IRAG1: variants seen among roughly 807,000 people sequenced by gnomAD.
The protein encoded by IRAG1 is inositol 1,4,5-triphosphate receptor associated 1.
Under a neutral mutation model 106.2 loss-of-function variants are expected in IRAG1, and 62 were observed. The observed-to-expected ratio is 0.58, with a 90% CI of 0.48 to 0.72. The LOEUF (loss-of-function observed/expected upper bound fraction) is 0.72, where lower values mean the gene tolerates loss of function less well. Ranked by LOEUF, IRAG1 falls within the 30% of genes least tolerant of loss-of-function variation. The pLI is 0.00. For synonymous variants in IRAG1, 462 were observed against 443.9 expected, an observed-to-expected ratio of 1.04 and a Z score of -0.51; for missense variants, 1,064 against 1,140.7, an observed-to-expected ratio of 0.93 and a Z score of 0.97.
At chr11:10,589,202 T>C (rs1852366777) in intron 18 of IRAG1, 1 of 152,182 alleles carries the variant, frequency 6.6e-6, no homozygotes, top group African/African-American at 2.4e-5. Flanking sequence ...TTTGTCACTG[T>C]ATGCTTAGGA....
In IRAG1 at chr11:10,644,398, T is replaced by C. The variant is rs549677066; in HGVS notation, c.225+7627A>G. 1.1e-3 allele frequency among the ~76,000 whole-genome samples: 171 copies of C among 152,360 alleles called. 1 individual carries two copies. Among genetic ancestry groups the C allele is most frequent in the Non-Finnish European group, 1.6e-3 (110 of 68,038 alleles). On this transcript the variant is annotated intron_variant, in intron 2 of 20. Coordinates refer to ENST00000423302, the MANE Select transcript of IRAG1 (RefSeq NM_130385.4). Reference sequence around the variant, plus strand: ...ATTGATAATTTATTTTAAATTATTTTATTGAAGGCCTTAATTGAGGCTGTT... The same window carrying C: ...ATTGATAATTTATTTTAAATTATTTCATTGAAGGCCTTAATTGAGGCTGTT...
chr11:10,687,602 G>C, intron 1 of IRAG1: 2 of 1,110,898 alleles, frequency 1.8e-6, no homozygotes, highest in Non-Finnish European at 1.1e-6. Context: ...CTTCAGTGAA[G>C]GAAAGAGGTG....
chr11:10,692,826 G>T lies in IRAG1; in HGVS notation c.67+710C>A, dbSNP rs148206260. Among the ~76,000 whole-genome samples the T allele has an allele frequency of 5.4e-3, 818 of 152,290 alleles. 5 individuals carry two copies. Among genetic ancestry groups the T allele is most frequent in the African/African-American group, 0.016 (650 of 41,578 alleles). On this transcript the variant is annotated intron_variant, in intron 1 of 20. Coordinates refer to ENST00000423302, the MANE Select transcript of IRAG1 (RefSeq NM_130385.4). ...CAGCTGGGCCTCTCTCTGGCCTCTG[G>T]CTTCCACTGGCTTTTCCTTTGGAAA...
chr11:10,622,804 T>A (rs916486511), intron 10 of IRAG1, among the ~76,000 whole-genome samples: 6 of 150,960 alleles, frequency 4.0e-5, no homozygotes, highest in Non-Finnish European at 8.8e-5. Context: ...CCACATCTCA[T>A]ACAATTTCAT....
intron 2 of IRAG1, among the ~76,000 whole-genome samples, chr11:10,635,420 T>A (rs1857075974): frequency 6.6e-6 from 1 of 152,218 alleles, no homozygotes; most frequent in Non-Finnish European, 1.5e-5. Context: ...TTCAAAGCAG[T>A]GGGTGCCCAC....
Position 10,628,728 on chromosome 11 carries a change from G to A in IRAG1, c.652+23C>T. On this transcript the variant is annotated intron_variant, in intron 6 of 20. Coordinates refer to ENST00000423302, the MANE Select transcript of IRAG1 (RefSeq NM_130385.4). This position sits in a 1 kb window ranked among gnomAD's most constrained non-coding sequence, Gnocchi z 4.1. ...CCCAGAGCGAGAGGCAGGGCAGGAA[G>A]TCCCCGGGCAGCTGGGCCTCACCTG... 1 of 1,513,332 alleles carries A rather than the reference G, an allele frequency of 6.6e-7. No homozygotes were observed. The highest frequency in any genetic ancestry group is 8.8e-7 in the Non-Finnish European group (1 of 1,134,288). 93.7% of individuals were successfully genotyped at this position (1,513,332 alleles called of 1,614,324 possible). A position where few individuals can be genotyped will look rare whatever the true frequency, so the allele number is the denominator to read the frequency against.
At chr11:10,579,807 A>AT (rs1430730012) in intron 20 of IRAG1, among the ~76,000 whole-genome samples, 6 of 152,206 alleles carry the variant, frequency 3.9e-5, no homozygotes, top group African/African-American at 1.4e-4. Flanking sequence ...GTGGGACAAG[A>AT]TACAGGTCTA....
At chr11:10,681,908 C>A (rs1028234345) in intron 1 of IRAG1, among the ~76,000 whole-genome samples, 1 of 152,142 alleles carries the variant, frequency 6.6e-6, no homozygotes, top group Admixed American at 6.6e-5. Context: ...ATGATCTAAC[C>A]CTTTTTGAAA....
intron 1 of IRAG1, among the ~76,000 whole-genome samples, chr11:10,687,162 C>T (rs535647066): frequency 8.5e-5 from 13 of 152,220 alleles, no homozygotes; most frequent in East Asian, 5.8e-4. Flanking sequence ...CCTGCAGCCT[C>T]GGCCCTGCCT....
chr11:10,588,381 C>T (rs925785967), intron 18 of IRAG1, among the ~76,000 whole-genome samples: 2 of 151,616 alleles, frequency 1.3e-5, no homozygotes, highest in East Asian at 1.9e-4. Flanking sequence ...CTGGTTCTGT[C>T]GCTCAGGCTC....
At chr11:10,621,059 T>C (rs1418187352) in intron 10 of IRAG1, among the ~76,000 whole-genome samples, 1 of 152,140 alleles carries the variant, frequency 6.6e-6, no homozygotes, top group African/African-American at 2.4e-5. Flanking sequence ...GAAGAAAAAT[T>C]GTTAGTTTTT....
intron 15 of IRAG1, 136 bp downstream of exon 15, chr11:10,600,782 T>C: frequency 1.7e-6 from 2 of 1,175,808 alleles, no homozygotes; most frequent in Non-Finnish European, 2.3e-6. Context: ...GGGAGGCCCC[T>C]GTGGGCAGCA....
intron 9 of IRAG1, 39 bp from the exon 10 acceptor site, chr11:10,623,895 G>A: frequency 6.4e-7 from 1 of 1,569,944 alleles, no homozygotes; most frequent in Non-Finnish European, 8.8e-7. Flanking sequence ...TTCAGATGAT[G>A]ACACTGGGCT....
chr11:10,638,944 T>C (rs994972906), intron 2 of IRAG1, among the ~76,000 whole-genome samples: 1 of 152,176 alleles, frequency 6.6e-6, no homozygotes, highest in African/African-American at 2.4e-5. Flanking sequence ...TGTTTTGAGA[T>C]GGAGGCTCAC....
chr11:10,676,356 G>A (rs768109291), intron 1 of IRAG1, among the ~76,000 whole-genome samples: 5 of 152,184 alleles, frequency 3.3e-5, no homozygotes, highest in Non-Finnish European at 4.4e-5. Context: ...CTGCATTTTC[G>A]CCCATGCGGT....
intron 9 of IRAG1, 62 bp downstream of exon 9, chr11:10,625,904 G>A: frequency 7.4e-7 from 1 of 1,353,284 alleles, no homozygotes; most frequent in Non-Finnish European, 9.5e-7. Flanking sequence ...TCAGCCCTGA[G>A]GTCTTCAGCC....
chr11:10,594,142 A>T lies in IRAG1; in HGVS notation c.2067+4T>A. 6.2e-7 allele frequency: 1 copy of T among 1,605,726 alleles called. No homozygotes were observed. The highest frequency in any genetic ancestry group is 8.5e-7 in the Non-Finnish European group (1 of 1,176,208). ...GAGCCCTGGTATTCCTTGAACATGC[A>T]TACCTTTCCCAGCGTGAGGGACATG... On this transcript the variant is annotated splice_donor_region_variant and intron_variant, in intron 16 of 20. Coordinates refer to ENST00000423302, the MANE Select transcript of IRAG1 (RefSeq NM_130385.4).
chr11:10,671,875 A>T (rs1432695505), intron 1 of IRAG1, among the ~76,000 whole-genome samples: 1 of 152,218 alleles, frequency 6.6e-6, no homozygotes, highest in African/African-American at 2.4e-5. Context: ...TTCATATGGA[A>T]ACACAAGGAA....
chr11:10,632,205 T>A, intron 3 of IRAG1, 144 bp from the exon 4 acceptor site: 1 of 558,580 alleles, frequency 1.8e-6, no homozygotes, highest in Non-Finnish European at 3.0e-6. Flanking sequence ...TTTTTTTTTT[T>A]GACTCAGTTT....
Sources: gnomAD v4.1 joint callset for allele counts (sites outside exome capture counted in the v4.1 genomes callset) on GRCh38, gnomAD v4.1.1 for gene constraint, Gnocchi (gnomAD v3.1) non-coding constraint, MANE v1.5 for transcripts, NCBI Gene and HGNC (gene_info 2026-07-23, HGNC 2026-07-21) for gene names.